The following RBFOX1 variants were observed in gnomAD, a reference collection of about 807,000 sequenced individuals.
RBFOX1 encodes the protein RNA binding protein fox-1 homolog 1.
Under a neutral mutation model 57.7 loss-of-function variants are expected in RBFOX1, and 8 were observed. The ratio of observed to expected loss-of-function variants is 0.14; its 90% CI spans 0.08 to 0.25. The LOEUF (loss-of-function observed/expected upper bound fraction) is 0.25. RBFOX1 is among the 10% of genes least tolerant of loss of function. RBFOX1 has a pLI of 1.00. For missense variants in RBFOX1, 611 were observed against 548.5 expected (o/e 1.11, Z -1.14); for synonymous variants, 326 against 222.4 (o/e 1.47, Z -4.15).
intron 3 of RBFOX1, chr16:6,773,983 C>T (rs970177351): frequency 2.0e-6 from 2 of 985,320 alleles, no homozygotes; most frequent in South Asian, 9.4e-5. Flanking sequence ...CCGTTTTCAA[C>T]TGAACCTGTA....
intron 2 of RBFOX1, among the ~76,000 whole-genome samples, chr16:6,535,213 T>C (rs776285550): frequency 1.3e-5 from 2 of 152,174 alleles, no homozygotes; most frequent in Non-Finnish European, 2.9e-5. Context: ...AAATCCTCTG[T>C]TCTAAGCCAA....
At chr16:6,654,094 G>A (rs1459459314) in intron 2 of RBFOX1, among the ~76,000 whole-genome samples, 1 of 130,908 alleles carries the variant, frequency 7.6e-6, no homozygotes, top group Non-Finnish European at 1.7e-5. Context: ...AGATCAATGG[G>A]CATGGCTGTT....
At chr16:6,926,097 G>C (rs1315107090) in intron 3 of RBFOX1, among the ~76,000 whole-genome samples, 1 of 151,948 alleles carries the variant, frequency 6.6e-6, no homozygotes, top group Non-Finnish European at 1.5e-5. Context: ...CTTGAGGTCA[G>C]GAGTTCAAGA....
At chr16:6,489,894 A>C (rs56093937) in intron 2 of RBFOX1, among the ~76,000 whole-genome samples, 11,970 of 151,662 alleles carry the variant, frequency 0.079, 554 homozygotes, top group Middle Eastern at 0.11. Flanking sequence ...TCTCCATTTT[A>C]TCCCCTACTT....
intron 3 of RBFOX1, among the ~76,000 whole-genome samples, chr16:6,898,704 CTATAA>C (rs752311874): frequency 1.7e-4 from 26 of 151,856 alleles, no homozygotes; most frequent in Non-Finnish European, 2.6e-4. Context: ...GTGTATGTGT[CTATAA>C]TATATGTGTG....
In RBFOX1 at chr16:6,019,862, G is replaced by C. The variant is rs932262383; in HGVS notation, c.-257G>C. 10 of 1,533,910 alleles carry C rather than the reference G, an allele frequency of 6.5e-6. No individual in the cohort carries two copies. In the African/African-American group the frequency reaches 1.4e-4, roughly 21 times the overall value. On this transcript the variant is annotated 5_prime_UTR_variant, in exon 1 of 16. Transcript: ENST00000550418. The surrounding 1 kb of genome is among the most constrained non-coding windows in gnomAD (Gnocchi z 4.2). ...CTGCCCGCGAAGTTGCGGACAGTGCGTGAGAAACCAGCACCCCCTTCCGCC... is the reference window on the plus strand; with the variant it reads ...CTGCCCGCGAAGTTGCGGACAGTGCCTGAGAAACCAGCACCCCCTTCCGCC...
At chr16:6,657,673 T>C (rs1033938596) in intron 3 of RBFOX1, among the ~76,000 whole-genome samples, 1 of 152,134 alleles carries the variant, frequency 6.6e-6, no homozygotes, top group African/African-American at 2.4e-5. Flanking sequence ...AATCAGTAAT[T>C]TGATAAAGTG....
rs551708769 is a variant in RBFOX1 at position 7,239,151 on chromosome 16, C to G, written c.27+187053C>G. On this transcript the variant is annotated intron_variant, in intron 4 of 15. Transcript: ENST00000550418. ...CATTTTCTCCTTTGCCTTTCCTAAACCATGCAGTTTGATATATGATGAGGC... is the reference window on the plus strand; with the variant it reads ...CATTTTCTCCTTTGCCTTTCCTAAAGCATGCAGTTTGATATATGATGAGGC... Among the ~76,000 whole-genome samples the G allele has an allele frequency of 8.5e-5, 13 of 152,226 alleles. No individual in the cohort carries two copies. In the East Asian group the frequency reaches 2.1e-3, roughly 25 times the overall value.
At chr16:7,160,864 T>A (rs1480218332) in intron 4 of RBFOX1, among the ~76,000 whole-genome samples, 2 of 151,870 alleles carry the variant, frequency 1.3e-5, no homozygotes, top group Non-Finnish European at 2.9e-5. Flanking sequence ...CTCCTTCTTT[T>A]TCTTCGTTCA....
chr16:7,166,671 C>A (rs570157712), intron 4 of RBFOX1, among the ~76,000 whole-genome samples: 1 of 152,088 alleles, frequency 6.6e-6, no homozygotes, highest in Non-Finnish European at 1.5e-5. Flanking sequence ...GAGTGTAAAC[C>A]ATCTTTGCCC....
intron 4 of RBFOX1, among the ~76,000 whole-genome samples, chr16:7,282,942 ATG>A (rs1260144364): frequency 1.3e-5 from 2 of 152,062 alleles, no homozygotes; most frequent in African/African-American, 4.8e-5. Flanking sequence ...GTAGTCCATC[ATG>A]TGTGTGTGTT....
chr16:7,525,023 G>C (rs1354278655), intron 5 of RBFOX1, among the ~76,000 whole-genome samples: 1 of 152,180 alleles, frequency 6.6e-6, no homozygotes, highest in Non-Finnish European at 1.5e-5. Context: ...CAAATTCTTA[G>C]TCTCTGTGCC....
chr16:7,082,332 G>T (rs376412197), intron 4 of RBFOX1, among the ~76,000 whole-genome samples: 3 of 152,190 alleles, frequency 2.0e-5, no homozygotes, highest in African/African-American at 7.2e-5. Context: ...TGTAATCCCA[G>T]CACTTTGGGA....
rs116538243 is a variant in RBFOX1 at position 5,861,356 on chromosome 16, C to T, written c.319-5947C>T. On this transcript the variant is annotated intron_variant, in intron 3 of 19. Transcript: ENST00000641259. Reference sequence around the variant, plus strand: ...TGAGCTGGAATGATGCATGCTGCTTCTGGGTGTGGTCTCTAAAAACCACTA... The same window carrying T: ...TGAGCTGGAATGATGCATGCTGCTTTTGGGTGTGGTCTCTAAAAACCACTA... 5.2e-3 allele frequency among the ~76,000 whole-genome samples: 798 copies of T among 152,318 alleles called. 9 individuals are homozygous for T. The highest frequency in any genetic ancestry group is 0.017 in the African/African-American group (694 of 41,558).
At chr16:6,256,666 G>C (rs997021087) in intron 1 of RBFOX1, among the ~76,000 whole-genome samples, 5 of 152,088 alleles carry the variant, frequency 3.3e-5, no homozygotes, top group African/African-American at 1.2e-4. Context: ...TTTGCTGTGG[G>C]ATGCTGCCCT....
chr16:6,757,691 A>C (rs2076021349), intron 3 of RBFOX1, among the ~76,000 whole-genome samples: 1 of 152,138 alleles, frequency 6.6e-6, no homozygotes, highest in Non-Finnish European at 1.5e-5. Context: ...ATAAGTACAA[A>C]CATATGGTTA....
At chr16:5,910,623 G>T (rs2058581258) in intron 4 of RBFOX1, among the ~76,000 whole-genome samples, 1 of 152,196 alleles carries the variant, frequency 6.6e-6, no homozygotes, top group African/African-American at 2.4e-5. Context: ...GAGCTGTCCG[G>T]AGTGGCTTTT....
intron 3 of RBFOX1, among the ~76,000 whole-genome samples, chr16:5,623,900 C>T (rs2048271740): frequency 6.6e-6 from 1 of 152,156 alleles, no homozygotes; most frequent in Non-Finnish European, 1.5e-5. Flanking sequence ...GCATACGATT[C>T]AGTGGTTTTT....
intron 3 of RBFOX1, among the ~76,000 whole-genome samples, chr16:6,758,098 T>A (rs1167317567): frequency 6.6e-6 from 1 of 152,112 alleles, no homozygotes; most frequent in Non-Finnish European, 1.5e-5. Flanking sequence ...GAAAGTTAAG[T>A]AAATGGTCCA....
Sources: allele counts gnomAD v4.1 joint callset (sites outside exome capture counted in the v4.1 genomes callset), GRCh38; gene constraint gnomAD v4.1.1; non-coding constraint Gnocchi (gnomAD v3.1); transcripts MANE v1.5; gene names NCBI Gene and HGNC (gene_info 2026-07-23, HGNC 2026-07-21).